SLC9B1: variants seen among roughly 807,000 people sequenced by gnomAD.
SLC9B1 encodes the protein sodium/hydrogen exchanger 9B1.
SLC9B1 carries 32 observed loss-of-function variants against 51.7 expected under a neutral mutation model. The observed-to-expected ratio is 0.62, with a 90% CI of 0.47 to 0.83. SLC9B1 has a LOEUF of 0.83. SLC9B1 is among the 40% of genes least tolerant of loss of function. The pLI is 0.00. For missense variants in SLC9B1, 406 were observed against 613.2 expected, an observed-to-expected ratio of 0.66 and a Z score of 3.57; for synonymous variants, 145 against 212.7, an observed-to-expected ratio of 0.68 and a Z score of 2.77.
rs561424433 is a variant in SLC9B1, at chr4:102,909,835, T to A, written c.1086+604A>T. On this transcript the variant is annotated intron_variant, in intron 9 of 11. Coordinates refer to ENST00000296422, the MANE Select transcript of SLC9B1 (RefSeq NM_139173.4). ...ATTTGTTTGTTTATTATTTATTTATTTTTTTGTGATGGAGTTTTGCACTTG... is the reference window on the plus strand; with the variant it reads ...ATTTGTTTGTTTATTATTTATTTATATTTTTGTGATGGAGTTTTGCACTTG... Among the ~76,000 whole-genome samples the A allele has an allele frequency of 2.6e-5, 4 of 152,050 alleles. No individual in the cohort carries two copies. The East Asian group carries it at 7.7e-4, about 29-fold the overall frequency.
intron 3 of SLC9B1, among the ~76,000 whole-genome samples, chr4:102,979,397 G>C (rs896280524): frequency 6.6e-6 from 1 of 152,190 alleles, no homozygotes. Flanking sequence ...ACACATGTGG[G>C]TCAGGACCCC....
intron 1 of SLC9B1, among the ~76,000 whole-genome samples, chr4:103,000,032 A>G (rs1465294805): frequency 1.3e-5 from 2 of 152,176 alleles, no homozygotes; most frequent in Admixed American, 6.5e-5. Context: ...AGATGCTTAT[A>G]AAACCATCAG....
At chr4:102,934,000 A>C (rs1054238830) in intron 6 of SLC9B1, among the ~76,000 whole-genome samples, 1 of 152,172 alleles carries the variant, frequency 6.6e-6, no homozygotes, top group Non-Finnish European at 1.5e-5. Context: ...TGAACTCCTG[A>C]CTTCAAGTGA....
chr4:102,974,240 TTGAAAAAA>T (rs1195826415), intron 3 of SLC9B1, among the ~76,000 whole-genome samples: 7 of 76,274 alleles, frequency 9.2e-5, no homozygotes, highest in East Asian at 7.8e-4. Context: ...CTGTCTAAAA[TTGAAAAAA>T]AAAAAAAAAA....
intron 7 of SLC9B1, among the ~76,000 whole-genome samples, chr4:102,921,877 T>C (rs527964964): frequency 6.6e-6 from 1 of 152,290 alleles, no homozygotes; most frequent in African/African-American, 2.4e-5. Flanking sequence ...TAAATATATA[T>C]GCACCCAATA....
intron 3 of SLC9B1, among the ~76,000 whole-genome samples, chr4:102,982,830 C>T (rs368480207): frequency 6.6e-6 from 1 of 151,996 alleles, no homozygotes; most frequent in African/African-American, 2.4e-5. Flanking sequence ...TATCTGTAAA[C>T]AAAGACAAAT....
intron 1 of SLC9B1, among the ~76,000 whole-genome samples, chr4:103,010,590 C>T (rs1355708661): frequency 6.6e-6 from 1 of 152,162 alleles, no homozygotes; most frequent in Non-Finnish European, 1.5e-5. Context: ...GCTGGAAAAT[C>T]CAAGATCAAA....
chr4:103,008,797 C>CTT (rs34403441), intron 1 of SLC9B1, among the ~76,000 whole-genome samples: 4,542 of 99,418 alleles, frequency 0.046, 428 homozygotes, highest in African/African-American at 0.14. Flanking sequence ...TTAACAGTTT[C>CTT]TTTTTTTTTT....
chr4:102,963,038 T>C (rs1738222354), intron 3 of SLC9B1: 3 of 451,814 alleles, frequency 6.6e-6, no homozygotes, highest in East Asian at 7.0e-5. Context: ...AATGTTGTTC[T>C]TTCAAGGGGT....
At chr4:102,968,415 T>A (rs1454263857) in intron 3 of SLC9B1, among the ~76,000 whole-genome samples, 1 of 152,222 alleles carries the variant, frequency 6.6e-6, no homozygotes, top group Non-Finnish European at 1.5e-5. Flanking sequence ...GGAGAAAATA[T>A]TTATGACCTT....
At chr4:102,963,169 C>T (rs971442134) in intron 3 of SLC9B1, 1 of 359,430 alleles carries the variant, frequency 2.8e-6, no homozygotes, top group Non-Finnish European at 5.5e-6. Context: ...TGCAGAGGTT[C>T]AGGTGGTAAT....
chr4:102,982,027 T>G (rs1739389291), intron 3 of SLC9B1, among the ~76,000 whole-genome samples: 1 of 152,140 alleles, frequency 6.6e-6, no homozygotes, highest in African/African-American at 2.4e-5. Flanking sequence ...TATAGATCTG[T>G]GTTTTACATT....
chr4:102,899,766 A>C (rs1734705534), downstream of SLC9B1, among the ~76,000 whole-genome samples: 1 of 152,208 alleles, frequency 6.6e-6, no homozygotes, highest in African/African-American at 2.4e-5. Context: ...TTTAAATAGT[A>C]GTCAAAACAC....
chr4:102,957,217 G>A (rs1342712051), intron 3 of SLC9B1, among the ~76,000 whole-genome samples: 2 of 152,108 alleles, frequency 1.3e-5, no homozygotes, highest in South Asian at 2.1e-4. Flanking sequence ...TGCATAATGG[G>A]AATTCCAGGA....
Position 102,989,784 on chromosome 4 carries a change from T to C in SLC9B1, c.211+16A>G. ...TTTCTCATCTTCTCTTCATTTACAT[T>C]TTTTGTTTCACATACCATTTGTAAT... On this transcript the variant is annotated intron_variant, in intron 3 of 11. Transcript: ENST00000296422. 2.6e-6 allele frequency: 4 copies of C among 1,522,356 alleles called. No individual in the cohort carries two copies. The highest frequency in any genetic ancestry group is 3.6e-6 in the Non-Finnish European group (4 of 1,122,316). The allele number at this position is 1,522,356 out of a possible 1,614,324, so 94.3% of individuals were successfully genotyped here.
chr4:102,917,061 T>C (rs1368121157), intron 7 of SLC9B1, among the ~76,000 whole-genome samples: 1 of 152,220 alleles, frequency 6.6e-6, no homozygotes, highest in Non-Finnish European at 1.5e-5. Flanking sequence ...TCAGCTTGCT[T>C]GGATTTCTTT....
chr4:102,928,401 T>A (rs981535379), intron 7 of SLC9B1, among the ~76,000 whole-genome samples: 2 of 152,144 alleles, frequency 1.3e-5, no homozygotes, highest in African/African-American at 4.8e-5. Context: ...ATCTCAGACC[T>A]CCTCAGCCTG....
intron 1 of SLC9B1, among the ~76,000 whole-genome samples, chr4:103,010,422 G>A (rs1350432715): frequency 3.9e-5 from 6 of 152,212 alleles, no homozygotes; most frequent in Admixed American, 3.9e-4. Flanking sequence ...ACCTCTTAAA[G>A]GTCCCACCTC....
intron 11 of SLC9B1, chr4:102,888,814 C>G (rs764261016): frequency 1.3e-5 from 2 of 152,214 alleles, no homozygotes; most frequent in Non-Finnish European, 2.9e-5. Flanking sequence ...AAAAGAGTTA[C>G]CATTTAACTC....
Sources: allele counts gnomAD v4.1 joint callset (sites outside exome capture counted in the v4.1 genomes callset), GRCh38; gene constraint gnomAD v4.1.1; transcripts MANE v1.5; gene names NCBI Gene and HGNC (gene_info 2026-07-23, HGNC 2026-07-21).